Variants in KSR1 observed in about 807,000 individuals in gnomAD.
KSR1 encodes the protein kinase suppressor of ras 1.
Under a neutral mutation model 92.9 loss-of-function variants are expected in KSR1, and 35 were observed. The ratio of observed to expected loss-of-function variants is 0.38; its 90% CI spans 0.29 to 0.50. KSR1 has a LOEUF of 0.50. KSR1 is among the 20% of genes least tolerant of loss of function. The probability of loss-of-function intolerance (pLI) is 0.94; values close to 1 mark genes in which losing one functional copy is unlikely to be tolerated. For synonymous variants in KSR1, 467 were observed against 472.6 expected (o/e 0.99, Z 0.15); for missense variants, 972 against 1,158.5 (o/e 0.84, Z 2.34).
intron 2 of KSR1, among the ~76,000 whole-genome samples, chr17:27,558,896 C>A (rs1379620440): frequency 6.6e-6 from 1 of 152,092 alleles, no homozygotes; most frequent in Non-Finnish European, 1.5e-5. Context: ...ACTTTGAGTT[C>A]TCTGCTGACC....
intron 1 of KSR1, among the ~76,000 whole-genome samples, chr17:27,488,151 A>T (rs996737819): frequency 6.6e-6 from 1 of 152,232 alleles, no homozygotes; most frequent in African/African-American, 2.4e-5. Context: ...AGCCTTTAAA[A>T]TTTTTGAATT....
intron 1 of KSR1, among the ~76,000 whole-genome samples, chr17:27,485,442 C>T (rs2068636976): frequency 6.6e-6 from 1 of 152,208 alleles, no homozygotes. Flanking sequence ...AAGTAACAGG[C>T]CTGACTGGCC....
intron 1 of KSR1, among the ~76,000 whole-genome samples, chr17:27,507,099 T>C (rs1448446224): frequency 6.6e-6 from 1 of 152,122 alleles, no homozygotes; most frequent in African/African-American, 2.4e-5. Flanking sequence ...AGTGTAAAAA[T>C]GCTTGGTGGA....
chr17:27,467,819 T>TTG (rs1597826341), intron 1 of KSR1, among the ~76,000 whole-genome samples: 1 of 151,654 alleles, frequency 6.6e-6, no homozygotes, highest in Non-Finnish European at 1.5e-5. Context: ...TTTTGTTTTT[T>TTG]TTTTTTTTTG....
At chr17:27,500,878 G>A (rs2069153368) in intron 1 of KSR1, among the ~76,000 whole-genome samples, 1 of 152,200 alleles carries the variant, frequency 6.6e-6, no homozygotes, top group African/African-American at 2.4e-5. Context: ...TACATGGGTT[G>A]ACTCCAAATC....
At chr17:27,508,663 G>A (rs999978301) in intron 1 of KSR1, among the ~76,000 whole-genome samples, 1 of 152,026 alleles carries the variant, frequency 6.6e-6, no homozygotes, top group Non-Finnish European at 1.5e-5. Context: ...TTGAGATTCA[G>A]CCTGTCTTCA....
At chr17:27,568,756 A>G (rs1237869633) in intron 2 of KSR1, among the ~76,000 whole-genome samples, 1 of 152,198 alleles carries the variant, frequency 6.6e-6, no homozygotes, top group Non-Finnish European at 1.5e-5. Context: ...GTCCCAGCTG[A>G]GGCCTGCTGT....
At chr17:27,475,479 G>T (rs1056621722) in intron 1 of KSR1, among the ~76,000 whole-genome samples, 6 of 152,164 alleles carry the variant, frequency 3.9e-5, no homozygotes, top group African/African-American at 1.4e-4. Context: ...CGCTGGCCCG[G>T]GGCAGGCTGA....
At chr17:27,590,644 G>C (rs1404127460) in intron 6 of KSR1, among the ~76,000 whole-genome samples, 167 bp from the exon 7 acceptor site, 1 of 152,226 alleles carries the variant, frequency 6.6e-6, no homozygotes, top group Non-Finnish European at 1.5e-5. Flanking sequence ...AATGTGAGGG[G>C]AGAAGCAGTG....
intron 1 of KSR1, among the ~76,000 whole-genome samples, chr17:27,526,060 C>CTT (rs1237390499): frequency 4.8e-4 from 15 of 31,000 alleles, no homozygotes; most frequent in African/African-American, 2.0e-3. Context: ...CTCTCTCTCT[C>CTT]TCTTTCTTTC....
chr17:27,582,997 C>T lies in KSR1; in HGVS notation c.872C>T (p.Pro291Leu), dbSNP rs375472780. The change falls in exon 4 of 21, where the codon CCA (proline) becomes CTA (leucine). Residue 291 changes from proline (P) to leucine (L), a missense_variant. Transcript: ENST00000644974. ...CTGAAGCCACCACGGACGCCCCCCC[C>T]ACCCAGCCGCAAGGTCTTCCAGCTG... Reference protein sequence around the residue: ...TKLKPPRTPPPPSRKVFQLLP... With the variant: ...TKLKPPRTPPLPSRKVFQLLP... 45 of 1,609,016 alleles carry T rather than the reference C, an allele frequency of 2.8e-5. No homozygotes were observed. The highest frequency in any genetic ancestry group is 1.2e-4 in the African/African-American group (9 of 74,646).
At chr17:27,617,485 G>GT in intron 19 of KSR1, 57 bp downstream of exon 19, 1 of 1,559,320 alleles carries the variant, frequency 6.4e-7, no homozygotes, top group Non-Finnish European at 8.7e-7. Flanking sequence ...CCTCACCTGG[G>GT]GTCTTAGAGG....
intron 10 of KSR1, among the ~76,000 whole-genome samples, chr17:27,600,058 G>A (rs1462004806): frequency 6.7e-6 from 1 of 148,936 alleles, no homozygotes; most frequent in Non-Finnish European, 1.5e-5. Flanking sequence ...GATACCTCCT[G>A]AAGGACCTGC....
chr17:27,497,719 A>C (rs1313189403), intron 1 of KSR1, among the ~76,000 whole-genome samples: 1 of 152,230 alleles, frequency 6.6e-6, no homozygotes, highest in African/African-American at 2.4e-5. Flanking sequence ...TTAAGAGAAA[A>C]TATTAAATAA....
At chr17:27,566,960 G>C (rs1257532387) in intron 2 of KSR1, among the ~76,000 whole-genome samples, 1 of 152,118 alleles carries the variant, frequency 6.6e-6, no homozygotes, top group Non-Finnish European at 1.5e-5. Flanking sequence ...GAGGCCGATG[G>C]TTATAGAGAC....
chr17:27,593,630 C>G lies in KSR1; in HGVS notation c.1299+1004C>G, dbSNP rs188592066. 4.5e-3 allele frequency among the ~76,000 whole-genome samples: 679 copies of G among 152,330 alleles called. 4 individuals are homozygous for G. The highest frequency in any genetic ancestry group is 7.5e-3 in the Non-Finnish European group (509 of 68,028). ...AGAAGGCCGGCTGCCCCAGGCCTGA[C>G]AGTCTGCCATGGGCCTGCACCTGTC... On this transcript the variant is annotated intron_variant, in intron 9 of 20. Coordinates refer to ENST00000644974, the MANE Select transcript of KSR1 (RefSeq NM_001394583.1).
intron 12 of KSR1, among the ~76,000 whole-genome samples, 155 bp downstream of exon 12, chr17:27,604,043 C>T (rs2151226517): frequency 6.6e-6 from 1 of 152,156 alleles, no homozygotes; most frequent in East Asian, 1.9e-4. Context: ...GTGAACTCCA[C>T]AGAGGGTTTT....
chr17:27,614,255 C>T (rs2073997755), intron 18 of KSR1, among the ~76,000 whole-genome samples: 1 of 152,222 alleles, frequency 6.6e-6, no homozygotes, highest in African/African-American at 2.4e-5. Flanking sequence ...TGTCCTGTGG[C>T]CGCACCATAA....
At chr17:27,605,322 C>T (rs1264373322) in intron 13 of KSR1, 112 bp from the exon 14 acceptor site, 7 of 1,403,154 alleles carry the variant, frequency 5.0e-6, no homozygotes, top group Non-Finnish European at 6.7e-6. Context: ...ACCTGGGTCC[C>T]CTGGCAGGAT....
Sources: gnomAD v4.1 joint callset for allele counts (sites outside exome capture counted in the v4.1 genomes callset) on GRCh38, gnomAD v4.1.1 for gene constraint, MANE v1.5 for transcripts, NCBI Gene and HGNC (gene_info 2026-07-23, HGNC 2026-07-21) for gene names.